The following VPS13D variants were observed in gnomAD, a reference collection of about 807,000 sequenced individuals.
VPS13D encodes the protein intermembrane lipid transfer protein VPS13D.
A neutral mutation model predicts 461.9 loss-of-function variants in VPS13D; 187 were observed. The ratio of observed to expected loss-of-function variants is 0.40; its 90% CI spans 0.36 to 0.46. The LOEUF is 0.46. Ranked by LOEUF, VPS13D falls within the 20% of genes least tolerant of loss-of-function variation. The pLI, the probability that VPS13D is intolerant of heterozygous loss-of-function variation, is 0.60. For missense variants in VPS13D, 4,711 were observed against 5,364.9 expected (o/e 0.88, Z 3.81); for synonymous variants, 1,951 against 1,986.3 (o/e 0.98, Z 0.47).
intron 67 of VPS13D, among the ~76,000 whole-genome samples, chr1:12,484,784 A>C (rs2100500270): frequency 6.6e-6 from 1 of 151,924 alleles, no homozygotes; most frequent in Admixed American, 6.6e-5. Flanking sequence ...GAGTGTTTTT[A>C]CGGAGTGTCC....
At chr1:12,390,256 A>G (rs1170114056) in intron 60 of VPS13D, among the ~76,000 whole-genome samples, 1 of 152,098 alleles carries the variant, frequency 6.6e-6, no homozygotes, top group Non-Finnish European at 1.5e-5. Flanking sequence ...CATGGGAGAA[A>G]CAGTACCATA....
intron 67 of VPS13D, among the ~76,000 whole-genome samples, chr1:12,468,906 C>T (rs1000865474): frequency 1.8e-4 from 27 of 151,878 alleles, no homozygotes; most frequent in African/African-American, 6.3e-4. Flanking sequence ...TGGTGGCACG[C>T]GCCTGTGGTC....
intron 23 of VPS13D, 55 bp downstream of exon 23, chr1:12,291,179 C>G: frequency 6.4e-7 from 1 of 1,574,162 alleles, no homozygotes; most frequent in Non-Finnish European, 8.6e-7. Context: ...CTTGCTGTTT[C>G]AGATTCTTGT....
At chr1:12,333,473 A>G (rs1467287966) in intron 38 of VPS13D, 107 bp downstream of exon 38, 6 of 1,377,750 alleles carry the variant, frequency 4.4e-6, no homozygotes, top group South Asian at 1.4e-5. Context: ...TGTACCAGGC[A>G]TCACTTCTTC....
At chr1:12,289,996 A>G (rs1302117280) in intron 22 of VPS13D, among the ~76,000 whole-genome samples, 1 of 152,228 alleles carries the variant, frequency 6.6e-6, no homozygotes, top group Non-Finnish European at 1.5e-5. Flanking sequence ...CATGCCAAAT[A>G]TACCTTAGTA....
Position 12,308,437 on chromosome 1 carries a change from A to G in VPS13D, c.6446A>G (p.His2149Arg), listed in dbSNP as rs777056370. ...TTTCCTTGGGTCCTTGTAGAAGACC[A>G]TGTCTGCCTGCTGGATTGCGTTGTC... ...VGQESSSPED[H>R]VCLLDCVVVD... Residue 2149 changes from histidine to arginine, a missense_variant, in exon 27 of 70, where the codon CAT becomes CGT. Around this residue, in one of 3 missense-constraint regions of VPS13D, gnomAD observed 4,411 missense variants for 4,937.8 expected, o/e 0.89. Transcript: ENST00000620676. The G allele has an allele frequency of 1.1e-5, 18 of 1,614,022 alleles. 1 individual carries two copies. The highest frequency in any genetic ancestry group is 1.7e-5 in the Admixed American group (1 of 59,996).
intron 21 of VPS13D, among the ~76,000 whole-genome samples, chr1:12,285,288 A>ATTT (rs200200673): frequency 6.9e-6 from 1 of 145,086 alleles, no homozygotes; most frequent in African/African-American, 2.6e-5. Context: ...TTATTTATTT[A>ATTT]TTTATTTATT....
chr1:12,509,589 C>CATCG lies in VPS13D; in HGVS notation c.*566_*569dup, dbSNP rs1646157519. On this transcript the variant is annotated 3_prime_UTR_variant, in exon 70 of 70. Coordinates refer to ENST00000620676, the MANE Select transcript of VPS13D (RefSeq NM_015378.4). ...GTGGTCCTGAAAGGGACGCCTTTGA[C>CATCG]ATCGTGGCTGTCCAGTTGGGCTGTG... 1 of 152,540 alleles carries CATCG rather than the reference C, an allele frequency of 6.6e-6. No homozygotes were observed. The highest frequency in any genetic ancestry group is 2.4e-5 in the African/African-American group (1 of 41,584). The allele number at this position is 152,540 out of a possible 1,614,324, so 9.4% of individuals were successfully genotyped here.
chr1:12,349,441 C>T (rs1397471012), intron 46 of VPS13D, 67 bp downstream of exon 46: 2 of 1,405,362 alleles, frequency 1.4e-6, no homozygotes, highest in African/African-American at 2.9e-5. Context: ...TGACTATTAC[C>T]ATTCTTTCTC....
chr1:12,468,025 G>A (rs978888952), intron 67 of VPS13D, among the ~76,000 whole-genome samples: 10 of 152,198 alleles, frequency 6.6e-5, no homozygotes, highest in Middle Eastern at 3.2e-3. Context: ...TGGGAAGTGT[G>A]ATTTGGGGTT....
rs1557478316 is a variant in VPS13D, at chr1:12,497,520, G to A, written c.12683G>A (p.Arg4228Gln). The change falls in exon 68 of 70, where the codon CGG becomes CAG. Residue 4228 changes from arginine to glutamine, a missense_variant. This residue lies in a region of VPS13D where 194 missense variants were observed against 220.9 expected (regional missense o/e 0.88). Coordinates refer to ENST00000620676, the MANE Select transcript of VPS13D (RefSeq NM_015378.4). ...SGPRTQAQRVRKPRCCTGPQG... is the reference protein window; with the variant it reads ...SGPRTQAQRVQKPRCCTGPQG... Reference sequence around the variant, plus strand: ...TCTAGGACTCAAGCACAGAGGGTTCGGAAACCGCGTTGCTGCACGGGGCCC... The same window carrying A: ...TCTAGGACTCAAGCACAGAGGGTTCAGAAACCGCGTTGCTGCACGGGGCCC... 1.2e-6 allele frequency: 2 copies of A among 1,613,970 alleles called. No individual in the cohort carries two copies. Among genetic ancestry groups the A allele is most frequent in the Non-Finnish European group, 1.7e-6 (2 of 1,179,914 alleles).
intron 55 of VPS13D, among the ~76,000 whole-genome samples, chr1:12,375,109 C>T (rs1644180663): frequency 6.6e-6 from 1 of 152,220 alleles, no homozygotes; most frequent in Non-Finnish European, 1.5e-5. Context: ...CGTGTGCTTT[C>T]AGCATGTGCC....
intron 50 of VPS13D, 68 bp from the exon 51 acceptor site, chr1:12,362,652 A>C: frequency 6.7e-7 from 1 of 1,482,746 alleles, no homozygotes; most frequent in Non-Finnish European, 9.2e-7. Flanking sequence ...AAGGTTATTT[A>C]TTTTTGTCAG....
At position 12,356,108 on chromosome 1, in the gene VPS13D, T is replaced by C; in HGVS notation, c.9871+18T>C. 2 of 1,583,694 alleles carry C rather than the reference T, an allele frequency of 1.3e-6. No homozygotes were observed. Among genetic ancestry groups the C allele is most frequent in the Non-Finnish European group, 8.6e-7 (1 of 1,162,728 alleles). ...CAAAACAGGTACATACAGGGGCTGC[T>C]CAAGTAGGTCTTTGGCGTTAGTCAT... On this transcript the variant is annotated intron_variant, in intron 48 of 69. Transcript: ENST00000620676.
At chr1:12,459,119 C>T (rs1645369222) in intron 66 of VPS13D, among the ~76,000 whole-genome samples, 1 of 152,220 alleles carries the variant, frequency 6.6e-6, no homozygotes, top group Non-Finnish European at 1.5e-5. Context: ...ATACCATCAG[C>T]TCTCCATATC....
At chr1:12,362,687 T>C in intron 50 of VPS13D, 33 bp from the exon 51 acceptor site, 1 of 1,606,106 alleles carries the variant, frequency 6.2e-7, no homozygotes, top group Non-Finnish European at 8.5e-7. Context: ...CTCTTCATGG[T>C]TAACTCATAA....
chr1:12,434,531 G>T (rs770557275), intron 65 of VPS13D, among the ~76,000 whole-genome samples: 13 of 152,136 alleles, frequency 8.5e-5, no homozygotes, highest in Non-Finnish European at 1.5e-4. Flanking sequence ...ACTTAAGGAA[G>T]AAAGCTCATT....
chr1:12,349,621 A>C (rs1167386229), intron 46 of VPS13D, among the ~76,000 whole-genome samples: 1 of 152,206 alleles, frequency 6.6e-6, no homozygotes, highest in Non-Finnish European at 1.5e-5. Context: ...ATACAAGATT[A>C]GAAGTTTGTG....
At chr1:12,242,309 A>G (rs1304265188) in intron 2 of VPS13D, among the ~76,000 whole-genome samples, 1 of 152,148 alleles carries the variant, frequency 6.6e-6, no homozygotes, top group Non-Finnish European at 1.5e-5. Context: ...TTTAACCTAC[A>G]CATGATATAG....
Sources: gnomAD v4.1 joint callset for allele counts (sites outside exome capture counted in the v4.1 genomes callset) on GRCh38, gnomAD v4.1.1 for gene constraint, gnomAD v4.1.1 regional missense constraint, MANE v1.5 for transcripts, NCBI Gene and HGNC (gene_info 2026-07-23, HGNC 2026-07-21) for gene names.